The following NXNL2 variants were observed in gnomAD, a reference collection of about 807,000 sequenced individuals.
NXNL2 encodes the protein nucleoredoxin-like protein 2.
A neutral mutation model predicts 11.1 loss-of-function variants in NXNL2; 7 were observed. The ratio of observed to expected loss-of-function variants is 0.63; its 90% confidence interval spans 0.36 to 1.18. The LOEUF (loss-of-function observed/expected upper bound fraction) is 1.18, where lower values mean the gene tolerates loss of function less well. Ranked by LOEUF, NXNL2 falls within the 50% of genes most tolerant of loss-of-function variation. The probability of loss-of-function intolerance (pLI) is 0.02; values close to 1 mark genes in which losing one functional copy is unlikely to be tolerated. For missense variants in NXNL2, 233 were observed against 217.7 expected, an observed-to-expected ratio of 1.07 and a Z score of -0.44; for synonymous variants, 109 against 101.8, an observed-to-expected ratio of 1.07 and a Z score of -0.42.
chr9:88,568,805 A>G (rs914114063), intron 1 of NXNL2, among the ~76,000 whole-genome samples: 3 of 152,134 alleles, frequency 2.0e-5, no homozygotes, highest in African/African-American at 7.2e-5. Flanking sequence ...ACATGAATCC[A>G]CATTTATTTC....
intron 1 of NXNL2, among the ~76,000 whole-genome samples, chr9:88,562,796 G>T (rs1417841972): frequency 2.7e-5 from 4 of 150,666 alleles, no homozygotes; most frequent in Non-Finnish European, 5.9e-5. Flanking sequence ...CATACAAATA[G>T]TAGGACAGAA....
intron 1 of NXNL2, among the ~76,000 whole-genome samples, chr9:88,582,973 A>T (rs1476324281): frequency 6.6e-6 from 1 of 152,148 alleles, no homozygotes; most frequent in Admixed American, 6.5e-5. Context: ...TGGCCCAACG[A>T]TACCCCTTTT....
At position 88,544,812 on chromosome 9, in the gene NXNL2, A is replaced by T; in HGVS notation, c.*265A>T. 8.6e-7 allele frequency: 1 copy of T among 1,163,860 alleles called. No homozygotes were observed. Among genetic ancestry groups the T allele is most frequent in the South Asian group, 3.3e-5 (1 of 30,108 alleles). 72.1% of individuals were successfully genotyped at this position (1,163,860 alleles called of 1,614,324 possible). On this transcript the variant is annotated 3_prime_UTR_variant, in exon 2 of 2. Coordinates refer to ENST00000375854, the MANE Select transcript of NXNL2 (RefSeq NM_001161625.2). ...CCTGTGCTTAAGGAAGGATCCTCAT[A>T]TGTTCATACTGAGCTGTTGGAAATC...
intron 1 of NXNL2, among the ~76,000 whole-genome samples, chr9:88,563,686 C>G (rs901051061): frequency 3.9e-5 from 6 of 152,162 alleles, no homozygotes; most frequent in African/African-American, 1.4e-4. Context: ...CACCCTGCTG[C>G]TCCCCTATTT....
At position 88,541,871 on chromosome 9, in the gene NXNL2, A is replaced by T. The variant is rs149917088; in HGVS notation, c.303-2508A>T. 4.6e-3 allele frequency among the ~76,000 whole-genome samples: 703 copies of T among 152,284 alleles called. 5 individuals are homozygous for T. The highest frequency in any genetic ancestry group is 0.016 in the African/African-American group (664 of 41,558). ...TATTCCATATTGTTTTGTTTTAAAT[A>T]CTTTGTCATCTGCGTTACTATTTCC... On this transcript the variant is annotated intron_variant, in intron 1 of 1. Transcript: ENST00000375854.
chr9:88,575,087 C>G (rs1390291107), exon 3 of NXNL2: 1 of 968,744 alleles, frequency 1.0e-6, no homozygotes, highest in Non-Finnish European at 1.2e-6. Flanking sequence ...TCCTTTGAAG[C>G]CATTGCTGTG....
intron 1 of NXNL2, among the ~76,000 whole-genome samples, chr9:88,581,567 C>A (rs1198263545): frequency 2.0e-5 from 3 of 152,172 alleles, no homozygotes; most frequent in Non-Finnish European, 4.4e-5. Flanking sequence ...CCGCCTCAGC[C>A]TCCCGAGTAG....
intron 1 of NXNL2, among the ~76,000 whole-genome samples, chr9:88,542,269 C>T (rs767522611): frequency 4.2e-4 from 64 of 151,796 alleles, no homozygotes; most frequent in South Asian, 1.9e-3. Context: ...AACAAACGAA[C>T]GAACAAAAAA....
intron 1 of NXNL2, among the ~76,000 whole-genome samples, chr9:88,540,385 A>G (rs1211931035): frequency 6.6e-6 from 1 of 150,912 alleles, no homozygotes; most frequent in Non-Finnish European, 1.5e-5. Context: ...CTAGAGAGGG[A>G]CATCTCTGCC....
At chr9:88,576,408 C>A (rs987567006), downstream of NXNL2, among the ~76,000 whole-genome samples, 1 of 152,198 alleles carries the variant, frequency 6.6e-6, no homozygotes, top group African/African-American at 2.4e-5. Context: ...CCCCCAGCTC[C>A]CACGTGGGCC....
At position 88,544,731 on chromosome 9, in the gene NXNL2, C is replaced by A; in HGVS notation, c.*184C>A. On this transcript the variant is annotated 3_prime_UTR_variant, in exon 2 of 2. Transcript: ENST00000375854. ...GAAATAATACACTCCATATTTTGAT[C>A]ATGCAGGCTGTTTGTATTATAGTTA... 7.3e-7 allele frequency: 1 copy of A among 1,375,836 alleles called. No individual in the cohort carries two copies. Among genetic ancestry groups the A allele is most frequent in the Non-Finnish European group, 9.3e-7 (1 of 1,070,026 alleles). The allele number at this position is 1,375,836 out of a possible 1,614,324, so 85.2% of individuals were successfully genotyped here.
chr9:88,544,510 T>G lies in NXNL2; in HGVS notation c.434T>G (p.Val145Gly). ...GGGTTGGCCTGCTTCCAGGACTGGG[T>G]GGAGGCGGCCGATATCTTCCAGAAT... ...ERGLACFQDW[V>G]EAADIFQNFS... Residue 145 changes from valine (V) to glycine (G), a missense_variant, in exon 2 of 2, where the codon GTG becomes GGG. Physicochemically the swap from Val to Gly is moderately radical, Grantham distance 109. Transcript: ENST00000375854. 1 of 1,549,540 alleles carries G rather than the reference T, an allele frequency of 6.5e-7. No individual in the cohort carries two copies. Among genetic ancestry groups the G allele is most frequent in the Non-Finnish European group, 8.7e-7 (1 of 1,145,822 alleles).
downstream of NXNL2, chr9:88,545,003 C>A: frequency 1.8e-6 from 1 of 544,346 alleles, no homozygotes; most frequent in Non-Finnish European, 2.3e-6. Context: ...CTTTCTCATT[C>A]CATTCCAGGT....
chr9:88,546,148 C>CGCGTGTGTGTGT (rs1554705102), downstream of NXNL2, among the ~76,000 whole-genome samples: 15 of 147,476 alleles, frequency 1.0e-4, no homozygotes, highest in African/African-American at 3.7e-4. Context: ...ACTGAGTGTT[C>CGCGTGTGTGTGT]GTGTGTGTGT....
At chr9:88,543,343 T>TGCA (rs967826513) in intron 1 of NXNL2, among the ~76,000 whole-genome samples, 8 of 151,824 alleles carry the variant, frequency 5.3e-5, no homozygotes, top group African/African-American at 1.9e-4. Flanking sequence ...CACGGCTCAC[T>TGCA]GCAGCCTCGA....
intron 1 of NXNL2, among the ~76,000 whole-genome samples, chr9:88,541,774 T>C (rs1829767026): frequency 6.6e-6 from 1 of 152,220 alleles, no homozygotes; most frequent in Non-Finnish European, 1.5e-5. Flanking sequence ...TACTAAAGTT[T>C]TGGATAAGCG....
At chr9:88,574,855 G>A (rs1830325650) in intron 2 of NXNL2, among the ~76,000 whole-genome samples, 1 of 152,188 alleles carries the variant, frequency 6.6e-6, no homozygotes, top group Non-Finnish European at 1.5e-5. Flanking sequence ...TCCTGGCAGG[G>A]GCCAGGTGGT....
At chr9:88,547,263 A>G (rs915903002), downstream of NXNL2, among the ~76,000 whole-genome samples, 3 of 152,238 alleles carry the variant, frequency 2.0e-5, no homozygotes, top group Non-Finnish European at 4.4e-5. Flanking sequence ...TCCACAAGCC[A>G]TCAGGCCTGG....
intron 1 of NXNL2, among the ~76,000 whole-genome samples, chr9:88,582,789 C>T (rs946814453): frequency 2.6e-5 from 4 of 152,144 alleles, no homozygotes; most frequent in African/African-American, 9.7e-5. Flanking sequence ...GTGCCTTAGC[C>T]TCCTGAGTAG....
Sources: allele counts gnomAD v4.1 joint callset (sites outside exome capture counted in the v4.1 genomes callset), GRCh38; gene constraint gnomAD v4.1.1; transcripts MANE v1.5; gene names NCBI Gene and HGNC (gene_info 2026-07-23, HGNC 2026-07-21).